Variants in NPR3 observed in about 807,000 individuals in gnomAD.
The protein encoded by NPR3 is natriuretic peptide receptor 3.
In NPR3, 34 loss-of-function variants were observed where a neutral mutation model predicts 54.5. The ratio of observed to expected loss-of-function variants is 0.62; its 90% confidence interval spans 0.47 to 0.83. The LOEUF (loss-of-function observed/expected upper bound fraction) is 0.83. Among genes scored for constraint, NPR3 ranks in the 40% least tolerant of loss-of-function variants. The pLI, the probability that NPR3 is intolerant of heterozygous loss-of-function variation, is 0.00. For missense variants in NPR3, 674 were observed against 720.8 expected, an observed-to-expected ratio of 0.94 and a Z score of 0.74; for synonymous variants, 289 against 297.1, an observed-to-expected ratio of 0.97 and a Z score of 0.28.
chr5:32,725,937 T>G (rs1249660342), intron 2 of NPR3, among the ~76,000 whole-genome samples: 3 of 152,178 alleles, frequency 2.0e-5, no homozygotes, highest in Non-Finnish European at 4.4e-5. Context: ...TTCCCTATAA[T>G]GAATCTGGGG....
At chr5:32,753,742 G>A (rs1740695460) in intron 3 of NPR3, among the ~76,000 whole-genome samples, 1 of 150,956 alleles carries the variant, frequency 6.6e-6, no homozygotes, top group African/African-American at 2.4e-5. Flanking sequence ...ACCTGGAAAA[G>A]GAAGGCTTAA....
At chr5:32,725,935 A>G (rs1739115858) in intron 2 of NPR3, among the ~76,000 whole-genome samples, 1 of 152,132 alleles carries the variant, frequency 6.6e-6, no homozygotes, top group African/African-American at 2.4e-5. Flanking sequence ...AATTCCCTAT[A>G]ATGAATCTGG....
chr5:32,727,313 A>G (rs1288161419), intron 2 of NPR3, among the ~76,000 whole-genome samples: 1 of 152,112 alleles, frequency 6.6e-6, no homozygotes, highest in African/African-American at 2.4e-5. Flanking sequence ...TTTTCTTTAG[A>G]GACAGGGTTT....
At position 32,786,550 on chromosome 5, in the gene NPR3, A is replaced by T. The variant is rs1352153590; in HGVS notation, c.*205A>T. On this transcript the variant is annotated 3_prime_UTR_variant, in exon 8 of 8. Coordinates refer to ENST00000265074, the MANE Select transcript of NPR3 (RefSeq NM_001204375.2). ...AGGCCTTTCATCTCATGACAAACAA[A>T]TATAATAATGATATCGTGTCACTCT... 1 of 554,982 alleles carries T rather than the reference A, an allele frequency of 1.8e-6. No homozygotes were observed. Among genetic ancestry groups the T allele is most frequent in the Non-Finnish European group, 3.1e-6 (1 of 318,898 alleles). The allele number at this position is 554,982 out of a possible 1,614,324, so 34.4% of individuals were successfully genotyped here. A position where few individuals can be genotyped will look rare whatever the true frequency, so the allele number is the denominator to read the frequency against.
chr5:32,698,916 A>C (rs943436371), intron 1 of NPR3, among the ~76,000 whole-genome samples: 1 of 151,126 alleles, frequency 6.6e-6, no homozygotes, highest in African/African-American at 2.4e-5. Context: ...TGTCTTTTTA[A>C]ATCCATTCAG....
intron 2 of NPR3, among the ~76,000 whole-genome samples, chr5:32,726,791 A>G (rs948433547): frequency 3.3e-5 from 5 of 152,228 alleles, no homozygotes; most frequent in African/African-American, 4.8e-5. Context: ...AGTTACCATA[A>G]TTCTGCCACA....
chr5:32,774,216 C>T (rs1381830963), intron 3 of NPR3, among the ~76,000 whole-genome samples: 1 of 152,290 alleles, frequency 6.6e-6, no homozygotes, highest in East Asian at 1.9e-4. Flanking sequence ...TCTTTGTACC[C>T]ATAGCACCAG....
intron 1 of NPR3, among the ~76,000 whole-genome samples, chr5:32,697,204 T>C (rs560858971): frequency 1.3e-5 from 2 of 152,302 alleles, no homozygotes; most frequent in Non-Finnish European, 1.5e-5. Flanking sequence ...TGTTGAATTA[T>C]ATTCAATGCT....
Position 32,712,309 on chromosome 5 carries a change from C to A in NPR3, c.533C>A (p.Ala178Glu), listed in dbSNP as rs776997035. The change falls in exon 1 of 8, where the codon GCG becomes GAG. Residue 178 changes from alanine to glutamate, a missense_variant. Transcript: ENST00000265074. ...GAGTACTCGCACCTCACGCGCGTGG[C>A]GCCCGCCTACGCCAAGATGGGCGAG... ...DSEYSHLTRV[A>E]PAYAKMGEMM... 17 of 1,613,134 alleles carry A rather than the reference C, an allele frequency of 1.1e-5. No homozygotes were observed. Among genetic ancestry groups the A allele is most frequent in the Admixed American group, 1.7e-5 (1 of 60,004 alleles).
intron 2 of NPR3, among the ~76,000 whole-genome samples, chr5:32,728,829 GTGTGTGTGTATATATATATATATATATA>G (rs1447788750): frequency 9.2e-5 from 7 of 76,170 alleles, no homozygotes; most frequent in African/African-American, 3.6e-4. Flanking sequence ...GTGTGTGTGT[GTGTGTGTGTATATATATATATATATATA>G]TATATATATA....
At chr5:32,771,680 C>A (rs147884338) in intron 3 of NPR3, among the ~76,000 whole-genome samples, 5 of 152,026 alleles carry the variant, frequency 3.3e-5, no homozygotes, top group African/African-American at 1.2e-4. Flanking sequence ...GGGTGATGCC[C>A]GGTGGCTGGT....
chr5:32,701,779 A>G (rs891665335), intron 1 of NPR3, among the ~76,000 whole-genome samples: 1 of 152,214 alleles, frequency 6.6e-6, no homozygotes, highest in Non-Finnish European at 1.5e-5. Context: ...AGACTTATAT[A>G]GGTACTGCCT....
At chr5:32,717,497 C>T (rs1172654428) in intron 1 of NPR3, among the ~76,000 whole-genome samples, 1 of 152,198 alleles carries the variant, frequency 6.6e-6, no homozygotes, top group South Asian at 2.1e-4. Context: ...CCTATTTCTC[C>T]ACATCCTCTC....
At chr5:32,735,908 C>G (rs988270385) in intron 2 of NPR3, among the ~76,000 whole-genome samples, 2 of 152,098 alleles carry the variant, frequency 1.3e-5, no homozygotes, top group African/African-American at 2.4e-5. Flanking sequence ...ATTTAATAAG[C>G]ACTACTATTT....
intron 3 of NPR3, among the ~76,000 whole-genome samples, chr5:32,756,946 C>G (rs1740876229): frequency 6.6e-6 from 1 of 152,174 alleles, no homozygotes; most frequent in South Asian, 2.1e-4. Context: ...GGGCTCTGTT[C>G]TGTTCCATTG....
intron 3 of NPR3, among the ~76,000 whole-genome samples, chr5:32,763,117 G>C (rs1351160449): frequency 6.6e-6 from 1 of 152,044 alleles, no homozygotes; most frequent in Non-Finnish European, 1.5e-5. Context: ...GTTTTTGTCA[G>C]GTTTGTCAAA....
intron 3 of NPR3, among the ~76,000 whole-genome samples, chr5:32,746,188 AG>A (rs546372361): frequency 6.8e-4 from 103 of 152,322 alleles, no homozygotes; most frequent in African/African-American, 2.4e-3. Context: ...TTTGTTCTTT[AG>A]TAAGAGGTAC....
chr5:32,700,305 C>T (rs1740634515), intron 1 of NPR3, among the ~76,000 whole-genome samples: 1 of 152,172 alleles, frequency 6.6e-6, no homozygotes, highest in Non-Finnish European at 1.5e-5. Flanking sequence ...CTCTCTCTAC[C>T]TCCTCTTTAA....
At chr5:32,769,955 C>G (rs992790071) in intron 3 of NPR3, among the ~76,000 whole-genome samples, 1 of 152,230 alleles carries the variant, frequency 6.6e-6, no homozygotes, top group African/African-American at 2.4e-5. Flanking sequence ...AGCACCAACT[C>G]TTTGTGATCA....
Sources: allele counts gnomAD v4.1 joint callset (sites outside exome capture counted in the v4.1 genomes callset), GRCh38; gene constraint gnomAD v4.1.1; transcripts MANE v1.5; gene names NCBI Gene and HGNC (gene_info 2026-07-23, HGNC 2026-07-21).